Variants in ANO6 observed in about 807,000 individuals in gnomAD.
ANO6 encodes the protein anoctamin-6.
A neutral mutation model predicts 117.5 loss-of-function variants in ANO6; 106 were observed. That is an observed-to-expected ratio of 0.90 (90% CI 0.77 to 1.06). The LOEUF (loss-of-function observed/expected upper bound fraction) is 1.06. Ranked by LOEUF, ANO6 falls within the 50% of genes least tolerant of loss-of-function variation. ANO6 has a pLI of 0.00. For synonymous variants in ANO6, 367 were observed against 385.1 expected (o/e 0.95, Z 0.55); for missense variants, 955 against 1,121.1 (o/e 0.85, Z 2.12).
intron 2 of ANO6, among the ~76,000 whole-genome samples, chr12:45,302,369 G>C (rs940265994): frequency 1.3e-5 from 2 of 152,166 alleles, no homozygotes; most frequent in African/African-American, 4.8e-5. Flanking sequence ...TCTTGTTTCT[G>C]AAACTCCTGT....
intron 19 of ANO6, 133 bp from the exon 20 acceptor site, chr12:45,428,972 G>T (rs184812614): frequency 1.0e-6 from 1 of 998,356 alleles, no homozygotes; most frequent in African/African-American, 1.6e-5. Context: ...AATGGCATTA[G>T]CGGTTGGTTG....
At chr12:45,325,972 C>T (rs758680455) in intron 2 of ANO6, among the ~76,000 whole-genome samples, 31 of 152,074 alleles carry the variant, frequency 2.0e-4, no homozygotes, top group Non-Finnish European at 3.5e-4. Flanking sequence ...TTTCATATTT[C>T]CTCTACCCTT....
At chr12:45,328,515 A>C (rs1940551489) in intron 2 of ANO6, among the ~76,000 whole-genome samples, 1 of 151,944 alleles carries the variant, frequency 6.6e-6, no homozygotes, top group Non-Finnish European at 1.5e-5. Context: ...TCATGCCTTG[A>C]CTCTGATGCC....
At chr12:45,221,099 G>C (rs1476122856) in intron 1 of ANO6, among the ~76,000 whole-genome samples, 1 of 152,106 alleles carries the variant, frequency 6.6e-6, no homozygotes, top group Admixed American at 6.5e-5. Flanking sequence ...CTCAATCTGA[G>C]CTCTGAGGCT....
chr12:45,306,647 T>G (rs1370572610), intron 2 of ANO6, among the ~76,000 whole-genome samples: 1 of 152,118 alleles, frequency 6.6e-6, no homozygotes, highest in Admixed American at 6.5e-5. Flanking sequence ...AAAACACATG[T>G]GATCCCAAGG....
At chr12:45,319,786 A>G (rs1940191130) in intron 2 of ANO6, among the ~76,000 whole-genome samples, 1 of 152,152 alleles carries the variant, frequency 6.6e-6, no homozygotes, top group East Asian at 1.9e-4. Flanking sequence ...TTATTGCCTT[A>G]ATTTCAGATC....
chr12:45,375,422 G>A (rs1222687885), intron 9 of ANO6, among the ~76,000 whole-genome samples: 1 of 152,156 alleles, frequency 6.6e-6, no homozygotes. Context: ...AAAGAACAAA[G>A]CTGGAGGCAT....
chr12:45,394,780 T>C (rs891394461), intron 12 of ANO6, among the ~76,000 whole-genome samples: 1 of 152,208 alleles, frequency 6.6e-6, no homozygotes, highest in African/African-American at 2.4e-5. Flanking sequence ...GAAATAAAGA[T>C]GTTCTTTGAA....
intron 1 of ANO6, among the ~76,000 whole-genome samples, chr12:45,217,704 T>C (rs1487443055): frequency 6.6e-6 from 1 of 152,172 alleles, no homozygotes; most frequent in Non-Finnish European, 1.5e-5. Context: ...CAGTGAAGAT[T>C]AATGCTCTTA....
chr12:45,244,412 G>T (rs1207613095), intron 1 of ANO6, among the ~76,000 whole-genome samples: 2 of 148,492 alleles, frequency 1.3e-5, no homozygotes, highest in East Asian at 2.0e-4. Context: ...TTGGGGGGGG[G>T]GGGTGGTCTG....
intron 3 of ANO6, among the ~76,000 whole-genome samples, chr12:45,338,988 A>G (rs1157375498): frequency 6.6e-6 from 1 of 152,090 alleles, no homozygotes; most frequent in Non-Finnish European, 1.5e-5. Context: ...AGAGGCTGTC[A>G]TTTACCTGGT....
At chr12:45,216,932 C>A (rs1947323909) in intron 1 of ANO6, among the ~76,000 whole-genome samples, 1 of 152,166 alleles carries the variant, frequency 6.6e-6, no homozygotes, top group Non-Finnish European at 1.5e-5. Context: ...GCGCTGGAAA[C>A]CCTTTCCCAT....
intron 19 of ANO6, among the ~76,000 whole-genome samples, chr12:45,427,407 C>T (rs80170217): frequency 0.016 from 2,437 of 152,240 alleles, 59 homozygotes; most frequent in East Asian, 0.1. Flanking sequence ...TGAGGCTCCT[C>T]CAAACCAGCT....
rs1937853721 is a variant in ANO6, at chr12:45,256,895, A to G, written c.70+40504A>G. Among the ~76,000 whole-genome samples the G allele has an allele frequency of 2.0e-5, 3 of 152,360 alleles. No homozygotes were observed. The South Asian group carries it at 6.2e-4, about 32-fold the overall frequency. ...TTGAATGGCAGGCACATGATTATAC[A>G]TTCACTTCCTACTGAATATTAATCA... On this transcript the variant is annotated intron_variant, in intron 1 of 19. Coordinates refer to ENST00000320560, the MANE Select transcript of ANO6 (RefSeq NM_001025356.3).
chr12:45,280,202 G>C (rs910175363), intron 1 of ANO6, among the ~76,000 whole-genome samples: 3 of 152,118 alleles, frequency 2.0e-5, no homozygotes, highest in South Asian at 4.1e-4. Flanking sequence ...AAGATAATAC[G>C]CCCATCTCTG....
chr12:45,367,399 G>A (rs1941713480), intron 8 of ANO6, among the ~76,000 whole-genome samples: 1 of 152,078 alleles, frequency 6.6e-6, no homozygotes, highest in Non-Finnish European at 1.5e-5. Context: ...TATCCTTGTG[G>A]CCTTATTTTA....
intron 16 of ANO6, among the ~76,000 whole-genome samples, chr12:45,413,877 T>C (rs140049925): frequency 0.018 from 2,706 of 152,268 alleles, 43 homozygotes; most frequent in Non-Finnish European, 0.027. Context: ...TTTTTTGTTT[T>C]TCAATATATA....
intron 2 of ANO6, among the ~76,000 whole-genome samples, chr12:45,321,220 T>G (rs76799059): frequency 0.017 from 2,645 of 152,322 alleles, 56 homozygotes; most frequent in East Asian, 0.085. Flanking sequence ...TAAAGCCTTT[T>G]CAGATAATTG....
At position 45,431,250 on chromosome 12, in the gene ANO6, C is replaced by A; in HGVS notation, c.*1939C>A. The A allele has an allele frequency of 1.0e-6, 1 of 985,344 alleles. No individual in the cohort carries two copies. Among genetic ancestry groups the A allele is most frequent in the South Asian group, 4.7e-5 (1 of 21,278 alleles). 61.0% of individuals were successfully genotyped at this position (985,344 alleles called of 1,614,324 possible). On this transcript the variant is annotated 3_prime_UTR_variant, in exon 20 of 20. Transcript: ENST00000320560. ...GAAGGAAACTCTTTCTCATTCGCAG[C>A]CAAGACGGGAGTGCCACTGTTCCTC...
Sources: gnomAD v4.1 joint callset for allele counts (sites outside exome capture counted in the v4.1 genomes callset) on GRCh38, gnomAD v4.1.1 for gene constraint, MANE v1.5 for transcripts, NCBI Gene and HGNC (gene_info 2026-07-23, HGNC 2026-07-21) for gene names.